The following KLHL4 variants were observed in gnomAD, a reference collection of about 807,000 sequenced individuals.
The protein encoded by KLHL4 is kelch-like protein 4.
KLHL4 carries 17 observed loss-of-function variants against 45.8 expected under a neutral mutation model. The ratio of observed to expected loss-of-function variants is 0.37; its 90% CI spans 0.25 to 0.56. The LOEUF is 0.56. Ranked by LOEUF, KLHL4 falls within the 20% of genes least tolerant of loss-of-function variation. KLHL4 has a pLI of 0.79. For missense variants in KLHL4, 544 were observed against 544.9 expected (o/e 1.00, Z 0.02); for synonymous variants, 224 against 189.9 (o/e 1.18, Z -1.47).
chrX:87,521,176 T>C (rs1211510041), intron 1 of KLHL4, among the ~76,000 whole-genome samples: 1 of 111,653 alleles, frequency 9.0e-6, no homozygotes, highest in Non-Finnish European at 1.9e-5. Context: ...ACTGTACTGA[T>C]ATGTGACTTT....
rs374776681 is a variant in KLHL4 at position 87,584,294 on chromosome X, C to T, written c.423-29583C>T. Among the ~76,000 whole-genome samples the T allele has an allele frequency of 7.1e-5, 8 of 111,930 alleles. No homozygotes were observed. In the East Asian group the frequency reaches 2.0e-3, roughly 28 times the overall value. On this transcript the variant is annotated intron_variant, in intron 1 of 10. Coordinates refer to ENST00000373119, the MANE Select transcript of KLHL4 (RefSeq NM_019117.5). ...ACAATAAATAGCCAACTCTTCAATG[C>T]CCAGACACCAAAGAACATCTACCAG...
chrX:87,605,305 C>T (rs1922156803), intron 1 of KLHL4, among the ~76,000 whole-genome samples: 1 of 110,906 alleles, frequency 9.0e-6, no homozygotes, highest in Non-Finnish European at 1.9e-5. Flanking sequence ...TGAGGAATGT[C>T]ATTTGTATTT....
rs1045516940 is a variant in KLHL4, at chrX:87,648,912, T to C, written c.1925+13137T>C. ...ATACATATTTGATTGTAATACACTA[T>C]AATACTATAATGTACTAGATTCAAA... On this transcript the variant is annotated intron_variant, in intron 9 of 10. Coordinates refer to ENST00000373119, the MANE Select transcript of KLHL4 (RefSeq NM_019117.5). 3.6e-5 allele frequency among the ~76,000 whole-genome samples: 4 copies of C among 111,590 alleles called. 1 individual carries two copies. The Admixed American group carries it at 3.8e-4, about 11-fold the overall frequency.
Position 87,602,400 on chromosome X carries a change from G to T in KLHL4, c.423-11477G>T, listed in dbSNP as rs185099217. On this transcript the variant is annotated intron_variant, in intron 1 of 10. Coordinates refer to ENST00000373119, the MANE Select transcript of KLHL4 (RefSeq NM_019117.5). Reference sequence around the variant, plus strand: ...CCCACCCAGAGCGACTTTTAATCCTGCAAACTCCATTCACAGTAAATGTCC... The same window carrying T: ...CCCACCCAGAGCGACTTTTAATCCTTCAAACTCCATTCACAGTAAATGTCC... 9.0e-5 allele frequency among the ~76,000 whole-genome samples: 10 copies of T among 111,268 alleles called. No individual in the cohort carries two copies. The East Asian group carries it at 2.8e-3, about 31-fold the overall frequency.
intron 1 of KLHL4, among the ~76,000 whole-genome samples, chrX:87,549,742 A>C (rs1931771778): frequency 9.0e-6 from 1 of 111,502 alleles, no homozygotes; most frequent in Non-Finnish European, 1.9e-5. Flanking sequence ...GAAACACAAC[A>C]TACTAAAACC....
intron 1 of KLHL4, among the ~76,000 whole-genome samples, chrX:87,604,835 C>G (rs1029010829): frequency 2.7e-5 from 3 of 111,302 alleles, no homozygotes; most frequent in Non-Finnish European, 3.8e-5. Flanking sequence ...TTTAAACACT[C>G]CTTGCCCCTC....
chrX:87,610,251 A>G (rs1055807256), intron 1 of KLHL4, among the ~76,000 whole-genome samples: 3 of 112,207 alleles, frequency 2.7e-5, no homozygotes, highest in Non-Finnish European at 5.6e-5. Flanking sequence ...GTGCATGAGA[A>G]TCAGAGTTTG....
At chrX:87,553,432 T>C (rs1451630814) in intron 1 of KLHL4, among the ~76,000 whole-genome samples, 3 of 111,154 alleles carry the variant, frequency 2.7e-5, no homozygotes, top group Non-Finnish European at 3.8e-5. Flanking sequence ...CTGATCAAAG[T>C]AGTTGTGAAC....
intron 1 of KLHL4, among the ~76,000 whole-genome samples, chrX:87,593,390 T>C (rs1038771673): frequency 8.9e-6 from 1 of 111,763 alleles, no homozygotes; most frequent in African/African-American, 3.2e-5. Flanking sequence ...ATTTTTTACT[T>C]TCTGCTCTCA....
chrX:87,640,342 G>A (rs1347778620), intron 9 of KLHL4, among the ~76,000 whole-genome samples: 1 of 111,470 alleles, frequency 9.0e-6, no homozygotes, highest in Non-Finnish European at 1.9e-5. Context: ...ATCATTCTGT[G>A]AAGCCAGTAT....
intron 1 of KLHL4, among the ~76,000 whole-genome samples, chrX:87,602,263 A>G (rs1469726127): frequency 9.0e-6 from 1 of 111,197 alleles, no homozygotes; most frequent in African/African-American, 3.3e-5. Context: ...ATTTATTATT[A>G]AAGATAAATT....
chrX:87,535,951 T>A (rs1161765993), intron 1 of KLHL4, among the ~76,000 whole-genome samples: 2 of 110,017 alleles, frequency 1.8e-5, no homozygotes, highest in Non-Finnish European at 3.8e-5. Context: ...GCCATGATTG[T>A]TAAGTTTTTT....
At chrX:87,551,655 C>T (rs762158889) in intron 1 of KLHL4, among the ~76,000 whole-genome samples, 12 of 106,295 alleles carry the variant, frequency 1.1e-4, no homozygotes, top group Non-Finnish European at 2.1e-4. Context: ...TCAAACTATA[C>T]TATAAGGCCA....
chrX:87,656,535 T>C, intron 9 of KLHL4, among the ~76,000 whole-genome samples: 1 of 108,811 alleles, frequency 9.2e-6, no homozygotes, highest in Non-Finnish European at 1.9e-5. Flanking sequence ...AGGAGTTTCT[T>C]TTTTTTTCTT....
intron 1 of KLHL4, among the ~76,000 whole-genome samples, chrX:87,563,300 A>G (rs1932138709): frequency 1.8e-5 from 2 of 110,147 alleles, no homozygotes; most frequent in Admixed American, 9.8e-5. Context: ...AATCTAAATA[A>G]GACAACAATG....
intron 9 of KLHL4, among the ~76,000 whole-genome samples, chrX:87,648,864 A>G (rs773117522): frequency 9.0e-6 from 1 of 111,071 alleles, no homozygotes; most frequent in Non-Finnish European, 1.9e-5. Context: ...AACCATAAAC[A>G]TGGTCAATCA....
chrX:87,607,427 T>C (rs1325795765), intron 1 of KLHL4, among the ~76,000 whole-genome samples: 1 of 111,494 alleles, frequency 9.0e-6, no homozygotes, highest in African/African-American at 3.3e-5. Flanking sequence ...CCCACTAACT[T>C]TCACACATAC....
At chrX:87,626,785 C>T (rs906283947) in intron 6 of KLHL4, among the ~76,000 whole-genome samples, 2 of 111,451 alleles carry the variant, frequency 1.8e-5, no homozygotes, top group Admixed American at 9.6e-5. Flanking sequence ...TTTCCTTTCA[C>T]ATGTTAATCA....
At chrX:87,640,847 G>A (rs757821347) in intron 9 of KLHL4, among the ~76,000 whole-genome samples, 12 of 111,370 alleles carry the variant, frequency 1.1e-4, no homozygotes, top group East Asian at 2.8e-4. Context: ...CAGAGCAGTC[G>A]GACAAGATAA....
Sources: allele counts gnomAD v4.1 joint callset (sites outside exome capture counted in the v4.1 genomes callset), GRCh38; gene constraint gnomAD v4.1.1; transcripts MANE v1.5; gene names NCBI Gene and HGNC (gene_info 2026-07-23, HGNC 2026-07-21).